SEMA6D: variants seen among roughly 807,000 people sequenced by gnomAD.
SEMA6D encodes the protein semaphorin-6D.
In SEMA6D, 35 loss-of-function variants were observed where a neutral mutation model predicts 106.6. That is an observed-to-expected ratio of 0.33 (90% CI 0.25 to 0.44). SEMA6D has a LOEUF of 0.44. Ranked by LOEUF, SEMA6D falls within the 20% of genes least tolerant of loss-of-function variation. The pLI is 1.00. For synonymous variants in SEMA6D, 499 were observed against 487.7 expected (o/e 1.02, Z -0.31); for missense variants, 1,185 against 1,345.9 (o/e 0.88, Z 1.87).
intron 4 of SEMA6D, among the ~76,000 whole-genome samples, chr15:47,657,876 G>A (rs1246032241): frequency 6.6e-6 from 1 of 150,858 alleles, no homozygotes; most frequent in Non-Finnish European, 1.5e-5. Flanking sequence ...GAGTAGCTGG[G>A]ACTACAGGGA....
chr15:47,226,769 T>G (rs1004719493), intron 1 of SEMA6D, among the ~76,000 whole-genome samples: 1 of 152,092 alleles, frequency 6.6e-6, no homozygotes, highest in Admixed American at 6.6e-5. Flanking sequence ...AAGATAAGCA[T>G]GGTCTGGCTC....
chr15:47,624,833 A>T (rs2077172996), intron 4 of SEMA6D, among the ~76,000 whole-genome samples: 2 of 152,140 alleles, frequency 1.3e-5, no homozygotes, highest in Admixed American at 6.5e-5. Flanking sequence ...AGAGTAAGGC[A>T]TCTACTTTCA....
chr15:47,455,261 C>T lies in SEMA6D; in HGVS notation c.-158-15213C>T, dbSNP rs546043164. ...AATTTAGCAGATTTCCTTCCCTGTT[C>T]ACCCCTATATGTCCCTCTTTCCACA... On this transcript the variant is annotated intron_variant, in intron 2 of 19. Transcript: ENST00000558014. Among the ~76,000 whole-genome samples the T allele has an allele frequency of 5.9e-5, 9 of 151,980 alleles. No individual in the cohort carries two copies. The East Asian group carries it at 1.8e-3, about 30-fold the overall frequency.
chr15:47,253,735 A>G (rs11854822), intron 1 of SEMA6D, among the ~76,000 whole-genome samples: 43,324 of 152,092 alleles, frequency 0.28, 6,411 homozygotes, highest in Middle Eastern at 0.44. Flanking sequence ...TGCCAGTACT[A>G]TGCTGTTTGG....
chr15:47,675,115 T>C (rs1284715134), intron 4 of SEMA6D, among the ~76,000 whole-genome samples: 3 of 152,230 alleles, frequency 2.0e-5, no homozygotes, highest in Admixed American at 2.0e-4. Flanking sequence ...TCTGAGGTTA[T>C]TGGCTGTTTG....
intron 3 of SEMA6D, among the ~76,000 whole-genome samples, chr15:47,529,217 C>T (rs958838773): frequency 1.3e-5 from 2 of 152,090 alleles, no homozygotes; most frequent in East Asian, 1.9e-4. Context: ...TCATCTTCCT[C>T]GTCTTCATGT....
At chr15:47,698,379 T>G (rs1566995833) in intron 4 of SEMA6D, among the ~76,000 whole-genome samples, 2 of 152,188 alleles carry the variant, frequency 1.3e-5, no homozygotes, top group Non-Finnish European at 2.9e-5. Context: ...GAGCAAAATT[T>G]TATAAATGCT....
intron 1 of SEMA6D, among the ~76,000 whole-genome samples, chr15:47,234,559 C>T (rs894028634): frequency 1.3e-5 from 2 of 151,852 alleles, no homozygotes; most frequent in African/African-American, 4.8e-5. Flanking sequence ...CTTTGCATAC[C>T]CATAGCTTAG....
intron 2 of SEMA6D, among the ~76,000 whole-genome samples, chr15:47,451,659 C>G (rs1332374285): frequency 6.6e-6 from 1 of 151,984 alleles, no homozygotes; most frequent in Non-Finnish European, 1.5e-5. Flanking sequence ...GGTTTATAAC[C>G]TGGAATTCTA....
intron 1 of SEMA6D, among the ~76,000 whole-genome samples, chr15:47,725,794 G>C (rs2079704034): frequency 6.9e-6 from 1 of 144,512 alleles, no homozygotes. Flanking sequence ...AGTTACATTA[G>C]GGAATGATCA....
chr15:47,665,288 G>A (rs2078004249), intron 4 of SEMA6D, among the ~76,000 whole-genome samples: 1 of 151,944 alleles, frequency 6.6e-6, no homozygotes, highest in African/African-American at 2.4e-5. Context: ...ACGTTTAATT[G>A]TTCTAAACTA....
chr15:47,191,982 A>C (rs1364363057), intron 1 of SEMA6D, among the ~76,000 whole-genome samples: 1 of 152,176 alleles, frequency 6.6e-6, no homozygotes, highest in African/African-American at 2.4e-5. Context: ...TTAGAAGTGT[A>C]ATCCTGAATC....
chr15:47,626,161 A>G (rs977663692), intron 4 of SEMA6D, among the ~76,000 whole-genome samples: 2 of 152,182 alleles, frequency 1.3e-5, no homozygotes, highest in African/African-American at 4.8e-5. Context: ...CTAGGAGGGC[A>G]TAAGCATTGC....
intron 1 of SEMA6D, among the ~76,000 whole-genome samples, chr15:47,366,544 A>C (rs1430719097): frequency 6.6e-6 from 1 of 152,252 alleles, no homozygotes; most frequent in Non-Finnish European, 1.5e-5. Flanking sequence ...TGAGGTATGC[A>C]TAGAGTACAG....
chr15:47,764,456 C>A, intron 11 of SEMA6D, 151 bp downstream of exon 11: 3 of 1,253,720 alleles, frequency 2.4e-6, no homozygotes, highest in Non-Finnish European at 3.3e-6. Flanking sequence ...TTGTGACCTG[C>A]AAGCCCATGA....
chr15:47,771,010 A>T lies in SEMA6D; in HGVS notation c.2447A>T (p.His816Leu). 6.2e-7 allele frequency: 1 copy of T among 1,614,058 alleles called. No individual in the cohort carries two copies. The highest frequency in any genetic ancestry group is 8.5e-7 in the Non-Finnish European group (1 of 1,179,980). The change falls in exon 19 of 19, where the codon CAT becomes CTT. Residue 816 changes from histidine (H) to leucine (L), a missense_variant. Coordinates refer to ENST00000536845, the MANE Select transcript of SEMA6D (RefSeq NM_001358351.3). ...PQFFPSSPPP[H>L]SPLSHGHIPS... ...TTTTTTCCGTCTAGTCCGCCACCTC[A>T]TTCCCCATTAAGTCATGGGCATATC...
At chr15:47,675,847 G>T (rs1225270087) in intron 4 of SEMA6D, among the ~76,000 whole-genome samples, 1 of 151,786 alleles carries the variant, frequency 6.6e-6, no homozygotes, top group Admixed American at 6.6e-5. Context: ...GTACTGCAGG[G>T]AAGCTGGCCC....
chr15:47,258,277 C>T (rs893928974), intron 1 of SEMA6D, among the ~76,000 whole-genome samples: 1 of 151,928 alleles, frequency 6.6e-6, no homozygotes, highest in Non-Finnish European at 1.5e-5. Flanking sequence ...ATGTTAGAAC[C>T]GAATATATTT....
intron 1 of SEMA6D, among the ~76,000 whole-genome samples, chr15:47,293,712 G>C (rs1016307161): frequency 6.6e-6 from 1 of 152,238 alleles, no homozygotes; most frequent in Admixed American, 6.5e-5. Flanking sequence ...GTGTGTCTGA[G>C]TCTGGTTCAT....
Sources: allele counts gnomAD v4.1 joint callset (sites outside exome capture counted in the v4.1 genomes callset), GRCh38; gene constraint gnomAD v4.1.1; transcripts MANE v1.5; gene names NCBI Gene and HGNC (gene_info 2026-07-23, HGNC 2026-07-21).